Variants in ZDHHC21 observed in about 807,000 individuals in gnomAD.
The protein encoded by ZDHHC21 is palmitoyltransferase ZDHHC21.
In ZDHHC21, 15 loss-of-function variants were observed where a neutral mutation model predicts 34.6. The observed-to-expected ratio is 0.43, with a 90% CI of 0.29 to 0.67. The LOEUF is 0.67. ZDHHC21 is among the 30% of genes least tolerant of loss of function. ZDHHC21 has a pLI of 0.14. For synonymous variants in ZDHHC21, 142 were observed against 101.8 expected (o/e 1.40, Z -2.38); for missense variants, 344 against 327.7 (o/e 1.05, Z -0.38).
intron 3 of ZDHHC21, chr9:14,677,607 C>T (rs1459589819): frequency 1.3e-5 from 2 of 152,024 alleles, no homozygotes; most frequent in African/African-American, 2.4e-5. Flanking sequence ...GAGCTCTTAA[C>T]TCAAAACTCT....
At chr9:14,679,278 A>G (rs913783181) in intron 3 of ZDHHC21, among the ~76,000 whole-genome samples, 1 of 152,182 alleles carries the variant, frequency 6.6e-6, no homozygotes, top group African/African-American at 2.4e-5. Context: ...AGTGGACAGA[A>G]AGACAGATGA....
chr9:14,681,351 C>G (rs577938475), intron 2 of ZDHHC21, among the ~76,000 whole-genome samples: 1 of 152,284 alleles, frequency 6.6e-6, no homozygotes, highest in African/African-American at 2.4e-5. Flanking sequence ...TCCTGAGTCA[C>G]TGGCACTACA....
chr9:14,589,695 A>C, the ZDHHC21 span: 2 of 152,230 alleles, frequency 1.3e-5, no homozygotes, highest in African/African-American at 4.8e-5. Context: ...AGACATTCAA[A>C]TTGAACACAT....
downstream of ZDHHC21, among the ~76,000 whole-genome samples, chr9:14,607,187 G>A (rs1823039522): frequency 6.6e-6 from 1 of 150,682 alleles, no homozygotes; most frequent in Non-Finnish European, 1.5e-5. Context: ...GGTGGCTCAT[G>A]CCTATCATCA....
rs1823898946 is a variant in ZDHHC21 at position 14,614,819 on chromosome 9, C to A, written c.*4147G>T. The A allele has an allele frequency of 6.6e-6, 1 of 151,608 alleles. No homozygotes were observed. The highest frequency in any genetic ancestry group is 1.5e-5 in the Non-Finnish European group (1 of 67,686). 9.4% of individuals were successfully genotyped at this position (151,608 alleles called of 1,614,324 possible). A position where few individuals can be genotyped will look rare whatever the true frequency, so the allele number is the denominator to read the frequency against. On this transcript the variant is annotated 3_prime_UTR_variant, in exon 10 of 10. Coordinates refer to ENST00000380916, the MANE Select transcript of ZDHHC21 (RefSeq NM_178566.6). Reference sequence around the variant, plus strand: ...TTGTGTGAAAATCTAATATTTGTATCTATTAGCAAACTACTCAATGTTTGT... The same window carrying A: ...TTGTGTGAAAATCTAATATTTGTATATATTAGCAAACTACTCAATGTTTGT...
intron 7 of ZDHHC21, among the ~76,000 whole-genome samples, chr9:14,645,630 C>CA (rs949882419): frequency 5.3e-5 from 8 of 151,758 alleles, no homozygotes; most frequent in Middle Eastern, 3.2e-3. Context: ...CTCTGTTTAC[C>CA]AAAAAATGCC....
At chr9:14,649,664 T>A (rs1397998522) in intron 7 of ZDHHC21, among the ~76,000 whole-genome samples, 2 of 152,108 alleles carry the variant, frequency 1.3e-5, no homozygotes, top group African/African-American at 4.8e-5. Flanking sequence ...CTAATGGCTG[T>A]CATTGAGTGT....
chr9:14,618,949 G>A lies in ZDHHC21; in HGVS notation c.*17C>T. ...TTGCCAGCATGGAGGACCCATCTGT[G>A]CCCACCATCCATCTGTTTAGACATG... On this transcript the variant is annotated 3_prime_UTR_variant, in exon 10 of 10. Transcript: ENST00000380916. 1 of 1,582,780 alleles carries A rather than the reference G, an allele frequency of 6.3e-7. No individual in the cohort carries two copies. Among genetic ancestry groups the A allele is most frequent in the Non-Finnish European group, 8.6e-7 (1 of 1,163,786 alleles).
At chr9:14,688,174 C>T (rs1460416972) in intron 2 of ZDHHC21, among the ~76,000 whole-genome samples, 1 of 150,892 alleles carries the variant, frequency 6.6e-6, no homozygotes, top group East Asian at 1.9e-4. Context: ...CTCTTATTCA[C>T]TTTCCAAGCT....
In ZDHHC21 at chr9:14,639,890, A is replaced by G. The variant is rs1381655994; in HGVS notation, c.621+6T>C. On this transcript the variant is annotated splice_donor_region_variant and intron_variant, in intron 8 of 9. Transcript: ENST00000380916. ...AAATGTTACTTTACATTAAAAATAT[A>G]CTTACTGTGATGATGCCAATTAGTT... is the stretch of plus-strand genomic sequence containing the variant. 3 of 1,460,268 alleles carry G rather than the reference A, an allele frequency of 2.1e-6. No homozygotes were observed. The highest frequency in any genetic ancestry group is 2.8e-6 in the Non-Finnish European group (3 of 1,064,334). The allele number at this position is 1,460,268 out of a possible 1,614,324, so 90.5% of individuals were successfully genotyped here. A position where few individuals can be genotyped will look rare whatever the true frequency, so the allele number is the denominator to read the frequency against.
At chr9:14,594,046 T>C in the ZDHHC21 span, 2 of 152,074 alleles carry the variant, frequency 1.3e-5, no homozygotes, top group Non-Finnish European at 2.9e-5. Context: ...ATCTAAGAAA[T>C]GGATAGCCCT....
At chr9:14,678,634 A>T (rs1209292063) in intron 3 of ZDHHC21, among the ~76,000 whole-genome samples, 1 of 152,124 alleles carries the variant, frequency 6.6e-6, no homozygotes, top group East Asian at 1.9e-4. Flanking sequence ...ATCAAAAGGT[A>T]AAACTCTTTT....
the ZDHHC21 span, among the ~76,000 whole-genome samples, chr9:14,592,342 C>A: frequency 6.6e-6 from 1 of 151,918 alleles, no homozygotes; most frequent in African/African-American, 2.4e-5. Flanking sequence ...CTTCCTTCCT[C>A]TTTCTCTTTT....
intron 3 of ZDHHC21, among the ~76,000 whole-genome samples, chr9:14,679,401 C>T (rs949166689): frequency 9.9e-5 from 15 of 151,886 alleles, no homozygotes; most frequent in African/African-American, 3.1e-4. Flanking sequence ...ATTAAGTGTT[C>T]GGGAAGCAAC....
At chr9:14,660,268 A>T (rs1833113399) in intron 6 of ZDHHC21, among the ~76,000 whole-genome samples, 1 of 147,370 alleles carries the variant, frequency 6.8e-6, no homozygotes, top group Non-Finnish European at 1.5e-5. Context: ...CGGGAGGCTG[A>T]GGCAGGAGAA....
chr9:14,647,685 G>A lies in ZDHHC21; in HGVS notation c.505-7673C>T, dbSNP rs543652019. 2.7e-5 allele frequency among the ~76,000 whole-genome samples: 4 copies of A among 147,868 alleles called. No individual in the cohort carries two copies. In the East Asian group the frequency reaches 5.9e-4, roughly 22 times the overall value. ...AATTTCTCTTTCAATTTACCACCACGTTTCTTGACCCTCTCTCACCACCAT... is the reference window on the plus strand; with the variant it reads ...AATTTCTCTTTCAATTTACCACCACATTTCTTGACCCTCTCTCACCACCAT... On this transcript the variant is annotated intron_variant, in intron 7 of 9. Coordinates refer to ENST00000380916, the MANE Select transcript of ZDHHC21 (RefSeq NM_178566.6).
chr9:14,664,288 G>T (rs890890783), intron 5 of ZDHHC21, among the ~76,000 whole-genome samples: 4 of 152,162 alleles, frequency 2.6e-5, no homozygotes, highest in Non-Finnish European at 5.9e-5. Flanking sequence ...CCCTAATACT[G>T]CGCTTTTCAG....
intron 6 of ZDHHC21, among the ~76,000 whole-genome samples, chr9:14,660,544 C>T (rs1412919372): frequency 5.3e-5 from 8 of 152,054 alleles, no homozygotes; most frequent in African/African-American, 1.9e-4. Flanking sequence ...ATTTCCCCTG[C>T]TCTCTGAACA....
At chr9:14,633,469 G>A (rs545273884) in intron 8 of ZDHHC21, among the ~76,000 whole-genome samples, 14 of 152,218 alleles carry the variant, frequency 9.2e-5, no homozygotes, top group Admixed American at 4.6e-4. Context: ...TGAAGGTACC[G>A]CTCCAGAGAG....
Sources: gnomAD v4.1 joint callset for allele counts (sites outside exome capture counted in the v4.1 genomes callset) on GRCh38, gnomAD v4.1.1 for gene constraint, MANE v1.5 for transcripts, NCBI Gene and HGNC (gene_info 2026-07-23, HGNC 2026-07-21) for gene names.